ADGRG1: variants seen among roughly 807,000 people sequenced by gnomAD.
The protein encoded by ADGRG1 is 7-transmembrane protein with no EGF-like N-terminal domains-1.
In ADGRG1, 53 loss-of-function variants were observed where a neutral mutation model predicts 73.5. The observed-to-expected ratio is 0.72, with a 90% CI of 0.58 to 0.91. The LOEUF (loss-of-function observed/expected upper bound fraction) is 0.91. Ranked by LOEUF, ADGRG1 falls within the 40% of genes least tolerant of loss-of-function variation. ADGRG1 has a pLI of 0.00. For missense variants in ADGRG1, 795 were observed against 871.8 expected, an observed-to-expected ratio of 0.91 and a Z score of 1.11; for synonymous variants, 394 against 374.4, an observed-to-expected ratio of 1.05 and a Z score of -0.60.
chr16:57,635,897 C>T (rs1274262944), intron 1 of ADGRG1: 1 of 985,218 alleles, frequency 1.0e-6, no homozygotes, highest in Non-Finnish European at 1.2e-6. Context: ...ATAGAGTGGC[C>T]CTGGAAGCAT....
At chr16:57,627,961 A>G, upstream of ADGRG1, 11 of 981,200 alleles carry the variant, frequency 1.1e-5, no homozygotes, top group Non-Finnish European at 1.2e-5. Flanking sequence ...CAGATGGATT[A>G]AAGGAGGCCG....
At chr16:57,654,416 C>G (rs1253166745) in intron 5 of ADGRG1, among the ~76,000 whole-genome samples, 1 of 135,340 alleles carries the variant, frequency 7.4e-6, no homozygotes, top group Non-Finnish European at 1.6e-5. Context: ...CGCACCCCCC[C>G]CCCCCGTTTT....
chr16:57,653,426 C>G, intron 4 of ADGRG1, 91 bp downstream of exon 4: 6 of 1,575,546 alleles, frequency 3.8e-6, no homozygotes, highest in Non-Finnish European at 5.1e-6. Flanking sequence ...GGGGCTACTG[C>G]GAGGCCTTCC....
At chr16:57,626,615 G>T (rs578247788), upstream of ADGRG1, 2 of 985,466 alleles carry the variant, frequency 2.0e-6, no homozygotes, top group Non-Finnish European at 2.4e-6. Context: ...TATGTGGCCA[G>T]AGTGGCAGCT....
chr16:57,650,313 C>G lies in ADGRG1; in HGVS notation c.26C>G (p.Thr9Arg). 1 of 1,613,482 alleles carries G rather than the reference C, an allele frequency of 6.2e-7. No individual in the cohort carries two copies. The highest frequency in any genetic ancestry group is 1.1e-5 in the South Asian group (1 of 91,074). The stretch of plus-strand genomic sequence containing the variant: ...ATGACTCCCCAGTCGCTGCTGCAGA[C>G]GACACTGTTCCTGCTGAGTCTGCTC... MTPQSLLQ[T>R]TLFLLSLLFL... The change falls in exon 2 of 14, where the codon ACG becomes AGG. Residue 9 changes from threonine (T) to arginine (R), a missense_variant. Coordinates refer to ENST00000562631, the MANE Select transcript of ADGRG1 (RefSeq NM_201525.4).
At chr16:57,642,778 C>T (rs900189688) in intron 1 of ADGRG1, 14 of 300,586 alleles carry the variant, frequency 4.7e-5, no homozygotes, top group African/African-American at 1.8e-4. Flanking sequence ...GGAGGTTAGG[C>T]GGACCTGAGT....
intron 1 of ADGRG1, chr16:57,629,963 A>T: frequency 4.1e-6 from 4 of 982,424 alleles, no homozygotes; most frequent in Non-Finnish European, 4.8e-6. Flanking sequence ...GGGGCCTCCC[A>T]CCCCCACCAA....
At chr16:57,637,795 C>A in intron 1 of ADGRG1, 6 of 717,186 alleles carry the variant, frequency 8.4e-6, no homozygotes, top group Non-Finnish European at 1.0e-5. Flanking sequence ...CCCCTGCTGC[C>A]TTTCCCATGG....
chr16:57,630,023 TG>T, intron 1 of ADGRG1: 1 of 984,924 alleles, frequency 1.0e-6, no homozygotes, highest in South Asian at 4.7e-5. Context: ...GAATAGCCTT[TG>T]TTGCTCCTTC....
intron 1 of ADGRG1, chr16:57,635,303 C>T (rs1233215313): frequency 1.0e-6 from 1 of 985,066 alleles, no homozygotes; most frequent in Non-Finnish European, 1.2e-6. Context: ...GTCCTGGCCA[C>T]ACCTTCTGGG....
At chr16:57,634,875 G>T in intron 1 of ADGRG1, 3 of 717,444 alleles carry the variant, frequency 4.2e-6, no homozygotes, top group Non-Finnish European at 5.1e-6. Context: ...GGCCATGCTT[G>T]TGGGCAGGTG....
upstream of ADGRG1, chr16:57,623,311 C>G (rs1273364238): frequency 1.2e-6 from 1 of 815,562 alleles, no homozygotes; most frequent in Non-Finnish European, 1.5e-6. Context: ...CCGGGGAGTG[C>G]CTCCTCCCTG....
chr16:57,657,558 G>A (rs1257721277), intron 10 of ADGRG1, 67 bp downstream of exon 10: 39 of 1,196,306 alleles, frequency 3.3e-5, no homozygotes, highest in South Asian at 1.6e-4. Context: ...CCAGGGCGCC[G>A]CACACATCTC....
chr16:57,630,119 G>A, intron 1 of ADGRG1: 1 of 661,282 alleles, frequency 1.5e-6, no homozygotes, highest in South Asian at 6.7e-5. Context: ...GGCCGTGGGT[G>A]AGGCAAATAA....
chr16:57,647,376 A>T, intron 1 of ADGRG1: 1 of 983,650 alleles, frequency 1.0e-6, no homozygotes, highest in Non-Finnish European at 1.2e-6. Context: ...AGAGGGGGAA[A>T]CAGGGAGGAG....
intron 1 of ADGRG1, among the ~76,000 whole-genome samples, chr16:57,639,026 C>T (rs1218708678): frequency 1.3e-5 from 2 of 151,238 alleles, no homozygotes; most frequent in Non-Finnish European, 2.9e-5. Flanking sequence ...GCTGAGATCA[C>T]GCCACTGCAC....
At chr16:57,651,828 C>A in intron 3 of ADGRG1, 1 of 1,460,516 alleles carries the variant, frequency 6.8e-7, no homozygotes. Context: ...GCGCTCGGCC[C>A]CACTGTCCCT....
chr16:57,642,290 C>A, intron 1 of ADGRG1: 5 of 985,256 alleles, frequency 5.1e-6, no homozygotes, highest in African/African-American at 1.7e-5. Flanking sequence ...CCTGAATATA[C>A]CCCAGGCTCA....
Position 57,653,234 on chromosome 16 carries a change from G to A in ADGRG1, c.519G>A (p.Ser173=), listed in dbSNP as rs1011547874. 2.4e-5 allele frequency: 39 copies of A among 1,611,772 alleles called. No homozygotes were observed. The East Asian group carries it at 2.5e-4, about 10-fold the overall frequency. The change falls in exon 4 of 14, where the codon TCG becomes TCA. Residue 173 remains serine (S), a synonymous_variant. Transcript: ENST00000562631. ...CCCACACGGCCGCTCACAATGCCTC[G>A]GTGGACATGTGCGAGCTCAAAAGGG... The part of the protein sequence containing the change: ...SPPHTAAHNA[S]VDMCELKRDL...
Sources: allele counts gnomAD v4.1 joint callset (sites outside exome capture counted in the v4.1 genomes callset), GRCh38; gene constraint gnomAD v4.1.1; transcripts MANE v1.5; gene names NCBI Gene and HGNC (gene_info 2026-07-23, HGNC 2026-07-21).